VWA8: variants seen among roughly 807,000 people sequenced by gnomAD.
The protein encoded by VWA8 is von Willebrand factor A domain-containing protein 8.
VWA8 carries 221 observed loss-of-function variants against 241.5 expected under a neutral mutation model. That is an observed-to-expected ratio of 0.91 (90% CI 0.82 to 1.02). The LOEUF is 1.02. Among genes scored for constraint, VWA8 ranks in the 50% least tolerant of loss-of-function variants. The probability of loss-of-function intolerance (pLI) is 0.00; values close to 1 mark genes in which losing one functional copy is unlikely to be tolerated. For missense variants in VWA8, 2,322 were observed against 2,328.7 expected (o/e 1.00, Z 0.06); for synonymous variants, 852 against 827.1 (o/e 1.03, Z -0.52).
rs117875969 is a variant in VWA8, at chr13:41,776,813, T to C, written c.2349+1172A>G. Among the ~76,000 whole-genome samples, 1,061 of 152,304 alleles carry C rather than the reference T, an allele frequency of 7.0e-3. 10 individuals are homozygous for C. The highest frequency in any genetic ancestry group is 0.012 in the Admixed American group (191 of 15,304). On this transcript the variant is annotated intron_variant, in intron 20 of 44. Transcript: ENST00000379310. ...AGAGTTGCTGTTGAGCCTCTAGTTATCTAATTTCTAAGCCTATGCACTCAA... is the reference window on the plus strand; with the variant it reads ...AGAGTTGCTGTTGAGCCTCTAGTTACCTAATTTCTAAGCCTATGCACTCAA...
At chr13:41,664,714 T>C (rs534446293) in intron 37 of VWA8, among the ~76,000 whole-genome samples, 1 of 152,206 alleles carries the variant, frequency 6.6e-6, no homozygotes, top group South Asian at 2.1e-4. Flanking sequence ...CCTTCAGAAC[T>C]ACACAGTATC....
chr13:41,926,491 T>C (rs767052590), intron 2 of VWA8: 3 of 529,968 alleles, frequency 5.7e-6, no homozygotes, highest in Non-Finnish European at 1.1e-5. Flanking sequence ...AACTCTATCA[T>C]AAGATGCTAG....
chr13:41,575,626 T>G (rs2044345938), intron 43 of VWA8, 114 bp downstream of exon 43: 2 of 697,100 alleles, frequency 2.9e-6, no homozygotes, highest in East Asian at 5.5e-5. Context: ...CTTGAATGTG[T>G]GTGAAACAGT....
Position 41,798,957 on chromosome 13 carries a change from C to G in VWA8, c.2064-11414G>C, listed in dbSNP as rs551862464. 2.6e-5 allele frequency among the ~76,000 whole-genome samples: 4 copies of G among 152,162 alleles called. No individual in the cohort carries two copies. The South Asian group carries it at 8.3e-4, about 32-fold the overall frequency. On this transcript the variant is annotated intron_variant, in intron 17 of 44. Coordinates refer to ENST00000379310, the MANE Select transcript of VWA8 (RefSeq NM_015058.2). ...GATGGTTTGCCCATTTGTTTGTTTT[C>G]TTTCAATGACTATATTCTTCAATTG...
intron 18 of VWA8, 87 bp downstream of exon 18, chr13:41,787,346 CTGTT>C (rs892811247): frequency 4.1e-4 from 431 of 1,039,436 alleles, no homozygotes; most frequent in Non-Finnish European, 5.7e-4. Context: ...AACTGTTTAA[CTGTT>C]TATTTTAACT....
intron 2 of VWA8, among the ~76,000 whole-genome samples, chr13:41,941,129 T>C (rs1593885750): frequency 1.3e-5 from 2 of 152,320 alleles, no homozygotes; most frequent in Admixed American, 6.5e-5. Flanking sequence ...CCAGTCACTG[T>C]ATTGCTCCTC....
chr13:41,717,841 T>C (rs1321143243), intron 26 of VWA8, among the ~76,000 whole-genome samples: 1 of 152,082 alleles, frequency 6.6e-6, no homozygotes, highest in East Asian at 1.9e-4. Context: ...TTTCTAGCTA[T>C]ATGCGGTTGG....
At chr13:41,958,820 A>G (rs1271324365) in intron 1 of VWA8, among the ~76,000 whole-genome samples, 2 of 152,202 alleles carry the variant, frequency 1.3e-5, no homozygotes, top group Admixed American at 1.3e-4. Context: ...GTTCTCTGTA[A>G]TATGTCCATG....
At chr13:41,716,673 G>A (rs1177564635) in intron 26 of VWA8, among the ~76,000 whole-genome samples, 1 of 152,038 alleles carries the variant, frequency 6.6e-6, no homozygotes, top group Non-Finnish European at 1.5e-5. Flanking sequence ...TAGTTTCAGT[G>A]TAACTTTACT....
chr13:41,903,891 AC>A (rs1875576668), intron 4 of VWA8, among the ~76,000 whole-genome samples: 1 of 152,154 alleles, frequency 6.6e-6, no homozygotes, highest in Non-Finnish European at 1.5e-5. Context: ...ATCAGATAAG[AC>A]CTCAAAACGT....
At chr13:41,824,084 G>T (rs749150467) in intron 14 of VWA8, among the ~76,000 whole-genome samples, 1 of 152,186 alleles carries the variant, frequency 6.6e-6, no homozygotes, top group African/African-American at 2.4e-5. Flanking sequence ...AGCAGGACAG[G>T]TATCTAAATT....
chr13:41,570,680 GCAGA>G lies in VWA8; in HGVS notation c.5393_5396del (p.Phe1798SerfsTer2). 1 of 1,614,180 alleles carries G rather than the reference GCAGA, an allele frequency of 6.2e-7. No individual in the cohort carries two copies. The highest frequency in any genetic ancestry group is 8.5e-7 in the Non-Finnish European group (1 of 1,179,992). ...CTTCTAACGTGTGGTCCCCACTCAT[GCAGA>G]ACTGAGAGTGGGCATGCATTGTCTG... On this transcript the variant is annotated frameshift_variant, in exon 44 of 45. Coordinates refer to ENST00000379310, the MANE Select transcript of VWA8 (RefSeq NM_015058.2). LOFTEE classifies it high-confidence loss of function.
intron 21 of VWA8, 97 bp downstream of exon 21, chr13:41,761,031 T>C: frequency 2.4e-6 from 3 of 1,230,444 alleles, no homozygotes; most frequent in Non-Finnish European, 3.5e-6. Flanking sequence ...AACTGGTTTA[T>C]AAAATGGGCC....
At chr13:41,930,440 A>G (rs1239914287) in intron 2 of VWA8, among the ~76,000 whole-genome samples, 1 of 152,246 alleles carries the variant, frequency 6.6e-6, no homozygotes, top group East Asian at 1.9e-4. Context: ...ACTATTCACA[A>G]TAGCAAAGAT....
chr13:41,952,821 GA>G (rs1878196350), intron 1 of VWA8, among the ~76,000 whole-genome samples: 1 of 152,000 alleles, frequency 6.6e-6, no homozygotes, highest in African/African-American at 2.4e-5. Flanking sequence ...TAACTGAGGA[GA>G]GTACAAAAAG....
rs1444973702 is a variant in VWA8, at chr13:41,605,162, G to T, written c.4986+6C>A. ...TTATTTTCTTGGTCCATAAGTAGAAGATTACCTGTAAATTATCCAGGATGA... is the reference window on the plus strand; with the variant it reads ...TTATTTTCTTGGTCCATAAGTAGAATATTACCTGTAAATTATCCAGGATGA... On this transcript the variant is annotated splice_donor_region_variant and intron_variant, in intron 40 of 44. Coordinates refer to ENST00000379310, the MANE Select transcript of VWA8 (RefSeq NM_015058.2). 1.2e-6 allele frequency: 2 copies of T among 1,612,252 alleles called. No homozygotes were observed. The highest frequency in any genetic ancestry group is 8.5e-7 in the Non-Finnish European group (1 of 1,178,688).
At chr13:41,899,485 TAAG>T (rs1271868199) in intron 4 of VWA8, among the ~76,000 whole-genome samples, 1 of 152,102 alleles carries the variant, frequency 6.6e-6, no homozygotes, top group African/African-American at 2.4e-5. Flanking sequence ...AAAATATAAA[TAAG>T]AATACTAGCC....
At chr13:41,748,331 G>T (rs1376902456) in intron 21 of VWA8, among the ~76,000 whole-genome samples, 3 of 152,096 alleles carry the variant, frequency 2.0e-5, no homozygotes, top group African/African-American at 7.2e-5. Flanking sequence ...TCTTGGGAGG[G>T]TGTATGTGTC....
chr13:41,785,995 G>A (rs952732371), intron 18 of VWA8, among the ~76,000 whole-genome samples: 4 of 152,096 alleles, frequency 2.6e-5, no homozygotes, highest in African/African-American at 9.7e-5. Flanking sequence ...TTGTTAAAAT[G>A]TCAACCTCAA....
Sources: allele counts gnomAD v4.1 joint callset (sites outside exome capture counted in the v4.1 genomes callset), GRCh38; gene constraint gnomAD v4.1.1; transcripts MANE v1.5; gene names NCBI Gene and HGNC (gene_info 2026-07-23, HGNC 2026-07-21).